The following HIGD1A variants were observed in gnomAD, a reference collection of about 807,000 sequenced individuals.
HIGD1A encodes the protein HIG1 hypoxia inducible domain family member 1A, also known as HIG1 domain family member 1A, mitochondrial.
A neutral mutation model predicts 11.3 loss-of-function variants in HIGD1A; 8 were observed. The observed-to-expected ratio is 0.71, with a 90% CI of 0.42 to 1.28. The LOEUF (loss-of-function observed/expected upper bound fraction) is 1.28, where lower values mean the gene tolerates loss of function less well. Among genes scored for constraint, HIGD1A ranks in the 50% most tolerant of loss-of-function variants. The probability of loss-of-function intolerance (pLI) is 0.01; values close to 1 mark genes in which losing one functional copy is unlikely to be tolerated. For missense variants in HIGD1A, 107 were observed against 118.8 expected, an observed-to-expected ratio of 0.90 and a Z score of 0.46; for synonymous variants, 32 against 38.4, an observed-to-expected ratio of 0.83 and a Z score of 0.62.
At chr3:42,786,844 T>C (rs1045092349) in intron 2 of HIGD1A, among the ~76,000 whole-genome samples, 6 of 152,134 alleles carry the variant, frequency 3.9e-5, no homozygotes, top group African/African-American at 1.4e-4. Flanking sequence ...CGCACAATCA[T>C]AGCTCACTGC....
intron 2 of HIGD1A, among the ~76,000 whole-genome samples, chr3:42,791,219 G>T (rs1175256319): frequency 6.6e-6 from 1 of 152,156 alleles, no homozygotes; most frequent in African/African-American, 2.4e-5. Flanking sequence ...AAATAAGTTA[G>T]ATTTTGCCTC....
At chr3:42,787,723 C>A (rs575020674) in intron 2 of HIGD1A, among the ~76,000 whole-genome samples, 14 of 149,340 alleles carry the variant, frequency 9.4e-5, no homozygotes, top group South Asian at 8.4e-4. Context: ...TATTAGAAGA[C>A]AACAAAATGG....
chr3:42,791,948 C>T (rs1300504975), intron 2 of HIGD1A, among the ~76,000 whole-genome samples: 4 of 152,064 alleles, frequency 2.6e-5, no homozygotes, highest in African/African-American at 7.2e-5. Context: ...TGTATATCTA[C>T]AAAATTAATG....
intron 1 of HIGD1A, among the ~76,000 whole-genome samples, chr3:42,796,241 G>A (rs1171099051): frequency 1.3e-5 from 2 of 152,050 alleles, no homozygotes; most frequent in Admixed American, 6.6e-5. Flanking sequence ...GAAAATCTTA[G>A]CTAAATAAAA....
intron 2 of HIGD1A, among the ~76,000 whole-genome samples, chr3:42,791,609 G>A (rs1364472737): frequency 6.6e-6 from 1 of 152,108 alleles, no homozygotes; most frequent in Non-Finnish European, 1.5e-5. Flanking sequence ...TACACACACA[G>A]TCTTCCAACA....
In HIGD1A at chr3:42,790,371, A is replaced by G. The variant is rs1185090080; in HGVS notation, c.97+3786T>C. ...AACATGGCAAAACCCTGTCTCTACT[A>G]AAACTACAAAAATTAGCCAGGTATG... On this transcript the variant is annotated intron_variant, in intron 2 of 3. Transcript: ENST00000321331. Among the ~76,000 whole-genome samples the G allele has an allele frequency of 3.3e-5, 5 of 152,128 alleles. 1 individual carries two copies. Among genetic ancestry groups the G allele is most frequent in the East Asian group, 1.9e-4 (1 of 5,180 alleles).
At chr3:42,801,168 T>C (rs1392522720) in intron 1 of HIGD1A, among the ~76,000 whole-genome samples, 3 of 152,196 alleles carry the variant, frequency 2.0e-5, no homozygotes, top group Non-Finnish European at 4.4e-5. Context: ...GGAACTGTAG[T>C]GTTTAATTAA....
intron 2 of HIGD1A, among the ~76,000 whole-genome samples, chr3:42,788,072 G>C (rs941120711): frequency 6.6e-6 from 1 of 151,684 alleles, no homozygotes; most frequent in Admixed American, 6.6e-5. Flanking sequence ...TAGATTTGGA[G>C]GTTAAAGTAA....
At chr3:42,800,934 T>A (rs905912791) in intron 1 of HIGD1A, among the ~76,000 whole-genome samples, 2 of 152,234 alleles carry the variant, frequency 1.3e-5, no homozygotes, top group Non-Finnish European at 2.9e-5. Context: ...TTTATCATTC[T>A]GACTACATCC....
chr3:42,785,092 T>C lies in HIGD1A; in HGVS notation c.*179A>G, dbSNP rs934925193. 17 of 526,754 alleles carry C rather than the reference T, an allele frequency of 3.2e-5. No individual in the cohort carries two copies. Among genetic ancestry groups the C allele is most frequent in the Non-Finnish European group, 4.5e-5 (13 of 288,888 alleles). 32.6% of individuals were successfully genotyped at this position (526,754 alleles called of 1,614,324 possible). A position where few individuals can be genotyped will look rare whatever the true frequency, so the allele number is the denominator to read the frequency against. On this transcript the variant is annotated 3_prime_UTR_variant, in exon 4 of 4. Transcript: ENST00000321331. ...ATGACCTAGTTAGTAAACTAGTCAC[T>C]AGTAATTCGGTCACCAAGCAAATCA...
chr3:42,799,616 T>A (rs1488914560), intron 1 of HIGD1A, among the ~76,000 whole-genome samples: 1 of 32,666 alleles, frequency 3.1e-5, no homozygotes. Context: ...CCATGCCTGG[T>A]TTTTTTTTTT....
intron 1 of HIGD1A, among the ~76,000 whole-genome samples, chr3:42,795,312 A>G (rs1700482074): frequency 6.7e-6 from 1 of 150,266 alleles, no homozygotes; most frequent in African/African-American, 2.5e-5. Flanking sequence ...TCTGCCTCCC[A>G]GGTTCAAGTG....
At chr3:42,799,405 T>C (rs1029051623) in intron 1 of HIGD1A, among the ~76,000 whole-genome samples, 2 of 152,140 alleles carry the variant, frequency 1.3e-5, no homozygotes, top group Non-Finnish European at 2.9e-5. Flanking sequence ...GGCAGTCTAG[T>C]CCCCAGGCAA....
chr3:42,785,457 C>A, intron 3 of HIGD1A, 137 bp from the exon 4 acceptor site: 1 of 644,020 alleles, frequency 1.6e-6, no homozygotes. Context: ...CCCTAGGAAG[C>A]TTATACTCTT....
chr3:42,785,878 T>C, intron 3 of HIGD1A, 150 bp downstream of exon 3: 1 of 739,634 alleles, frequency 1.4e-6, no homozygotes, highest in Non-Finnish European at 2.3e-6. Context: ...ACTACTTGAA[T>C]TATCTTCATT....
intron 1 of HIGD1A, among the ~76,000 whole-genome samples, chr3:42,800,355 AAG>A (rs765108504): frequency 1.2e-4 from 19 of 152,014 alleles, no homozygotes; most frequent in Admixed American, 5.2e-4. Flanking sequence ...GAAAAAGAAA[AAG>A]AAAAAGAAAA....
intron 1 of HIGD1A, among the ~76,000 whole-genome samples, chr3:42,795,548 A>C (rs1466867845): frequency 6.6e-6 from 1 of 152,098 alleles, no homozygotes; most frequent in Non-Finnish European, 1.5e-5. Context: ...ACTGCAGCAC[A>C]AAACTGAATT....
At chr3:42,795,568 GTCT>G (rs757982189) in intron 1 of HIGD1A, among the ~76,000 whole-genome samples, 2 of 152,088 alleles carry the variant, frequency 1.3e-5, no homozygotes, top group African/African-American at 4.8e-5. Flanking sequence ...TACCCTCAGG[GTCT>G]TCTTAATATC....
At chr3:42,793,848 T>C (rs1700458918) in intron 2 of HIGD1A, among the ~76,000 whole-genome samples, 1 of 152,084 alleles carries the variant, frequency 6.6e-6, no homozygotes, top group South Asian at 2.1e-4. Context: ...GGTGCACACC[T>C]GTGGTCCCAG....
Sources: gnomAD v4.1 joint callset for allele counts (sites outside exome capture counted in the v4.1 genomes callset) on GRCh38, gnomAD v4.1.1 for gene constraint, MANE v1.5 for transcripts, NCBI Gene and HGNC (gene_info 2026-07-23, HGNC 2026-07-21) for gene names.